DSC1: variants seen among roughly 807,000 people sequenced by gnomAD.
The protein encoded by DSC1 is desmocollin-1.
DSC1 carries 79 observed loss-of-function variants against 98.8 expected under a neutral mutation model. That is an observed-to-expected ratio of 0.80 (90% CI 0.67 to 0.96). The LOEUF is 0.96. DSC1 is among the 50% of genes least tolerant of loss of function. DSC1 has a pLI of 0.00. For synonymous variants in DSC1, 405 were observed against 372.1 expected, an observed-to-expected ratio of 1.09 and a Z score of -1.02; for missense variants, 1,115 against 1,075.9, an observed-to-expected ratio of 1.04 and a Z score of -0.51.
intron 5 of DSC1, among the ~76,000 whole-genome samples, chr18:31,154,558 G>A (rs1023272800): frequency 2.0e-5 from 3 of 151,608 alleles, no homozygotes; most frequent in East Asian, 1.9e-4. Context: ...AAATTCCATC[G>A]TTATATTTTC....
Position 31,157,473 on chromosome 18 carries a change from G to A in DSC1, c.249C>T (p.Leu83=), listed in dbSNP as rs765140793. The A allele has an allele frequency of 3.7e-6, 6 of 1,614,048 alleles. No individual in the cohort carries two copies. Among genetic ancestry groups the A allele is most frequent in the African/African-American group, 2.7e-5 (2 of 74,894 alleles). ...EDGSIYTTHD[L]ILSSERKSFS... Reference sequence around the variant, plus strand: ...AACTTTTCCTTTCAGAAGACAAAATGAGGTCATGTGTTGTGTAAATTGAGC... The same window carrying A: ...AACTTTTCCTTTCAGAAGACAAAATAAGGTCATGTGTTGTGTAAATTGAGC... Residue 83 remains leucine (L), a synonymous_variant, in exon 3 of 16, where the codon CTC becomes CTT. Coordinates refer to ENST00000257198, the MANE Select transcript of DSC1 (RefSeq NM_024421.2).
At chr18:31,155,864 G>A (rs1989087356) in intron 4 of DSC1, among the ~76,000 whole-genome samples, 179 bp downstream of exon 4, 1 of 152,118 alleles carries the variant, frequency 6.6e-6, no homozygotes, top group Non-Finnish European at 1.5e-5. Context: ...TATGATATCT[G>A]TAAGAAAGTA....
chr18:31,132,343 G>A, intron 14 of DSC1: 1 of 471,050 alleles, frequency 2.1e-6, no homozygotes, highest in East Asian at 4.2e-5. Flanking sequence ...CCAGATCTGT[G>A]AAACAATACT....
chr18:31,144,812 G>A (rs1988807569), intron 7 of DSC1, among the ~76,000 whole-genome samples: 1 of 152,162 alleles, frequency 6.6e-6, no homozygotes, highest in African/African-American at 2.4e-5. Flanking sequence ...TAATAATGAT[G>A]TGTCAACATA....
chr18:31,145,078 T>C (rs1988818197), intron 7 of DSC1, among the ~76,000 whole-genome samples: 2 of 151,898 alleles, frequency 1.3e-5, no homozygotes, highest in African/African-American at 4.8e-5. Context: ...TAGCTGGGAC[T>C]ACAGGCGCCC....
chr18:31,156,396 A>G (rs1445187647), intron 3 of DSC1, among the ~76,000 whole-genome samples: 1 of 152,182 alleles, frequency 6.6e-6, no homozygotes, highest in Non-Finnish European at 1.5e-5. Flanking sequence ...TGTATAGGGC[A>G]TTTGGAAAGA....
rs1465033430 is a variant in DSC1, at chr18:31,145,725, G to C, written c.825C>G (p.Leu275=). The C allele has an allele frequency of 6.2e-7, 1 of 1,614,224 alleles. No homozygotes were observed. The change falls in exon 7 of 16, where the codon CTC becomes CTG. Residue 275 remains leucine (L), a synonymous_variant. Coordinates refer to ENST00000257198, the MANE Select transcript of DSC1 (RefSeq NM_024421.2). The part of the protein sequence containing the change: ...TATDLDEPDT[L]HTRLKYKILQ... Reference sequence around the variant, plus strand: ...AGATTTTATATTTCAGACGAGTATGGAGAGTGTCAGGTTCGTCAAGGTCTG... The same window carrying C: ...AGATTTTATATTTCAGACGAGTATGCAGAGTGTCAGGTTCGTCAAGGTCTG...
chr18:31,154,669 TAAATC>T (rs1050962242), intron 5 of DSC1, 100 bp downstream of exon 5: 2 of 1,054,602 alleles, frequency 1.9e-6, no homozygotes, highest in African/African-American at 3.2e-5. Context: ...TCTTGAATAT[TAAATC>T]AAATAATTGA....
chr18:31,134,840 C>T, intron 11 of DSC1, 56 bp from the exon 12 acceptor site: 3 of 1,484,514 alleles, frequency 2.0e-6, no homozygotes, highest in Admixed American at 1.8e-5. Flanking sequence ...TTATTTTCAA[C>T]AATTTATAAA....
At chr18:31,132,122 C>T in intron 14 of DSC1, 1 of 454,050 alleles carries the variant, frequency 2.2e-6, no homozygotes. Context: ...TAGAGTGGGT[C>T]CCTAAGCGAA....
chr18:31,135,671 C>T lies in DSC1; in HGVS notation c.1664-887G>A, dbSNP rs77298966. Among the ~76,000 whole-genome samples the T allele has an allele frequency of 7.6e-3, 1,154 of 152,226 alleles. 14 individuals carry two copies. The highest frequency in any genetic ancestry group is 0.026 in the African/African-American group (1,093 of 41,538). On this transcript the variant is annotated intron_variant, in intron 11 of 15. Coordinates refer to ENST00000257198, the MANE Select transcript of DSC1 (RefSeq NM_024421.2). ...GATTGCCACTATTATTGGCCTAAGACTTCACACATAGTATTTTTAGTTAAA... is the reference window on the plus strand; with the variant it reads ...GATTGCCACTATTATTGGCCTAAGATTTCACACATAGTATTTTTAGTTAAA...
chr18:31,133,144 C>T (rs1988531536), intron 13 of DSC1, among the ~76,000 whole-genome samples: 2 of 151,842 alleles, frequency 1.3e-5, no homozygotes, highest in African/African-American at 4.8e-5. Context: ...TAATCTGAAA[C>T]TCAAATCAAT....
At chr18:31,153,366 G>T (rs1229529355) in intron 5 of DSC1, among the ~76,000 whole-genome samples, 2 of 152,262 alleles carry the variant, frequency 1.3e-5, no homozygotes, top group East Asian at 3.9e-4. Flanking sequence ...TTGTTTATGA[G>T]TAGAAAGATC....
chr18:31,132,273 C>T (rs1701661092), intron 14 of DSC1: 1 of 347,918 alleles, frequency 2.9e-6, no homozygotes, highest in Non-Finnish European at 5.3e-6. Flanking sequence ...ACAGATCCCT[C>T]CCCAGTTCCT....
At chr18:31,141,355 G>A (rs1483874737) in intron 9 of DSC1, among the ~76,000 whole-genome samples, 2 of 152,084 alleles carry the variant, frequency 1.3e-5, no homozygotes, top group African/African-American at 4.8e-5. Flanking sequence ...AACCTTCTGA[G>A]GACTTAAACT....
chr18:31,146,014 A>G lies in DSC1; in HGVS notation c.773-237T>C, dbSNP rs78782617. 0.011 allele frequency among the ~76,000 whole-genome samples: 1,615 copies of G among 152,312 alleles called. 66 individuals are homozygous for G. The East Asian group carries it at 0.12, about 11-fold the overall frequency. On this transcript the variant is annotated intron_variant, in intron 6 of 15. Coordinates refer to ENST00000257198, the MANE Select transcript of DSC1 (RefSeq NM_024421.2). ...ATTCATATTCTACATAGATGAGAAC[A>G]GTTCCCACACTACCCTTAGAAACAG...
chr18:31,134,579 T>TTCTTCTATG lies in DSC1; in HGVS notation c.1860_1868dup (p.Glu622_Glu623insAspIleGlu), dbSNP rs757319634. 22 of 1,607,684 alleles carry TTCTTCTATG rather than the reference T, an allele frequency of 1.4e-5. No individual in the cohort carries two copies. The highest frequency in any genetic ancestry group is 1.9e-5 in the Non-Finnish European group (22 of 1,176,132). On this transcript the variant is annotated inframe_insertion, in exon 12 of 16. Transcript: ENST00000257198. Reference sequence around the variant, plus strand: ...TTTAGCATGATTACATACCATCCTTTTCTTCTATGTTCCAGTTTTTACTGG... The same window carrying TTCTTCTATG: ...TTTAGCATGATTACATACCATCCTTTTCTTCTATGTCTTCTATGTTCCAGTTTTTACTGG...
intron 5 of DSC1, among the ~76,000 whole-genome samples, chr18:31,152,121 T>C (rs910788940): frequency 6.6e-6 from 1 of 151,584 alleles, no homozygotes; most frequent in Non-Finnish European, 1.5e-5. Flanking sequence ...GAGATCGGAT[T>C]ACTGCACTCC....
At position 31,162,658 on chromosome 18, in the gene DSC1, C is replaced by T. The variant is rs116786335; in HGVS notation, c.-64G>A. On this transcript the variant is annotated 5_prime_UTR_variant, in exon 1 of 16. Coordinates refer to ENST00000257198, the MANE Select transcript of DSC1 (RefSeq NM_024421.2). ...ACAGGGCAGCCTGGGATGCACAGAGCGGCTAAGAAGACGCTGGCACTTGCA... is the reference window on the plus strand; with the variant it reads ...ACAGGGCAGCCTGGGATGCACAGAGTGGCTAAGAAGACGCTGGCACTTGCA... 4.6e-4 allele frequency: 678 copies of T among 1,489,966 alleles called. 1 individual carries two copies. Among genetic ancestry groups the T allele is most frequent in the Admixed American group, 2.1e-3 (125 of 59,108 alleles). 92.3% of individuals were successfully genotyped at this position (1,489,966 alleles called of 1,614,324 possible).
Sources: allele counts gnomAD v4.1 joint callset (sites outside exome capture counted in the v4.1 genomes callset), GRCh38; gene constraint gnomAD v4.1.1; transcripts MANE v1.5; gene names NCBI Gene and HGNC (gene_info 2026-07-23, HGNC 2026-07-21).